DPP6: variants seen among roughly 807,000 people sequenced by gnomAD.
DPP6 encodes A-type potassium channel modulatory protein DPP6.
A neutral mutation model predicts 122.6 loss-of-function variants in DPP6; 69 were observed. That is an observed-to-expected ratio of 0.56 (90% CI 0.46 to 0.69). The LOEUF (loss-of-function observed/expected upper bound fraction) is 0.69, where lower values mean the gene tolerates loss of function less well. Among genes scored for constraint, DPP6 ranks in the 30% least tolerant of loss-of-function variants. The pLI is 0.00. For missense variants in DPP6, 928 were observed against 1,116.9 expected, an observed-to-expected ratio of 0.83 and a Z score of 2.41; for synonymous variants, 418 against 433.1, an observed-to-expected ratio of 0.97 and a Z score of 0.43.
intron 16 of DPP6, among the ~76,000 whole-genome samples, chr7:154,812,021 C>T (rs536091123): frequency 6.6e-6 from 1 of 152,310 alleles, no homozygotes; most frequent in African/African-American, 2.4e-5. Context: ...AACATGCCCA[C>T]ATTCAAAGCT....
At chr7:153,829,200 G>A in the DPP6 span, among the ~76,000 whole-genome samples, 2 of 152,134 alleles carry the variant, frequency 1.3e-5, no homozygotes, top group African/African-American at 4.8e-5. Context: ...TTCGAGGTCT[G>A]TGTAATTGCT....
At chr7:154,318,347 A>G (rs374746430) in intron 1 of DPP6, among the ~76,000 whole-genome samples, 17 of 152,286 alleles carry the variant, frequency 1.1e-4, no homozygotes, top group African/African-American at 4.1e-4. Flanking sequence ...ACTTCCTCAC[A>G]TTATCCTGTA....
rs991154917 is a variant in DPP6 at position 154,865,607 on chromosome 7, C to G, written c.1715-2388C>G. On this transcript the variant is annotated intron_variant, in intron 17 of 25. Transcript: ENST00000377770. ...AACTTTTCCATCAATTTCTAAACAC[C>G]AGAAACTTTTCCATCAATTTAATGC... The G allele has an allele frequency of 7.2e-5, 11 of 152,002 alleles. No homozygotes were observed. In the East Asian group the frequency reaches 2.1e-3, roughly 29 times the overall value. The allele number at this position is 152,002 out of a possible 1,614,324, so 9.4% of individuals were successfully genotyped here.
chr7:153,990,814 C>A (rs1233786497), intron 1 of DPP6, among the ~76,000 whole-genome samples: 2 of 152,164 alleles, frequency 1.3e-5, no homozygotes, highest in Non-Finnish European at 2.9e-5. Context: ...GAAAAGAGGA[C>A]GAAGGAGTGA....
At chr7:154,319,714 C>T (rs938347780) in intron 1 of DPP6, among the ~76,000 whole-genome samples, 23 of 150,830 alleles carry the variant, frequency 1.5e-4, no homozygotes, top group Middle Eastern at 7.0e-3. Context: ...TGCAACATGC[C>T]GGGTGCAGTG....
chr7:154,240,715 C>T (rs1042766493), intron 1 of DPP6, among the ~76,000 whole-genome samples: 1 of 152,132 alleles, frequency 6.6e-6, no homozygotes, highest in African/African-American at 2.4e-5. Flanking sequence ...TATTCATATT[C>T]AGTTTTCCAC....
intron 1 of DPP6, among the ~76,000 whole-genome samples, chr7:154,417,214 C>A (rs556492607): frequency 6.6e-6 from 1 of 152,318 alleles, no homozygotes; most frequent in East Asian, 1.9e-4. Context: ...GACTGACTCG[C>A]TGACATGGAA....
intron 1 of DPP6, among the ~76,000 whole-genome samples, chr7:154,179,814 T>TA (rs1797982904): frequency 6.6e-6 from 1 of 152,224 alleles, no homozygotes; most frequent in African/African-American, 2.4e-5. Context: ...ATTGAGCATA[T>TA]ACACTTTCCA....
At chr7:154,440,416 G>C (rs1298559558) in intron 1 of DPP6, among the ~76,000 whole-genome samples, 1 of 152,140 alleles carries the variant, frequency 6.6e-6, no homozygotes, top group Non-Finnish European at 1.5e-5. Context: ...GAGCATCTCG[G>C]GGAGTGGGAA....
chr7:153,878,850 G>A, the DPP6 span, among the ~76,000 whole-genome samples: 7 of 151,812 alleles, frequency 4.6e-5, no homozygotes, highest in Admixed American at 2.6e-4. Flanking sequence ...AAAATAGCAC[G>A]AAAAAATCTC....
Position 154,892,264 on chromosome 7 carries a change from C to A in DPP6, c.2452-70C>A, listed in dbSNP as rs116290167. ...GGCCCAGGTTTCACTAAACTCCACA[C>A]CTTCTGTGCGTTCCCGTCCCCTGGG... On this transcript the variant is annotated intron_variant, in intron 25 of 25. Transcript: ENST00000377770. 5.0e-6 allele frequency: 8 copies of A among 1,605,002 alleles called. No homozygotes were observed. The South Asian group carries it at 8.9e-5, about 18-fold the overall frequency.
At chr7:154,055,762 T>A (rs910426925) in intron 1 of DPP6, 1 of 152,236 alleles carries the variant, frequency 6.6e-6, no homozygotes, top group Non-Finnish European at 1.5e-5. Context: ...CACTCTTGCC[T>A]TTTCAGTCCT....
chr7:154,823,335 A>G lies in DPP6; in HGVS notation c.1666+16223A>G, dbSNP rs565662490. On this transcript the variant is annotated intron_variant, in intron 16 of 25. Coordinates refer to ENST00000377770, the MANE Select transcript of DPP6 (RefSeq NM_130797.4). ...TGGTGAACTATGATGGCACCACTGT[A>G]CTCCAGCCTGGGTGACAGAGCAAGA... Among the ~76,000 whole-genome samples the G allele has an allele frequency of 9.2e-5, 14 of 152,084 alleles. No individual in the cohort carries two copies. The South Asian group carries it at 2.3e-3, about 25-fold the overall frequency.
At position 154,821,411 on chromosome 7, in the gene DPP6, A is replaced by G. The variant is rs1799748924; in HGVS notation, c.1666+14299A>G. ...TAGATCCAACATGGATAGACAGATA[A>G]TAGATGAGAGGGAAATGACTGACCG... On this transcript the variant is annotated intron_variant, in intron 16 of 25. Coordinates refer to ENST00000377770, the MANE Select transcript of DPP6 (RefSeq NM_130797.4). This position sits in a 1 kb window ranked among gnomAD's most constrained non-coding sequence, Gnocchi z 4.2. 6.6e-6 allele frequency among the ~76,000 whole-genome samples: 1 copy of G among 151,962 alleles called. No individual in the cohort carries two copies. Among genetic ancestry groups the G allele is most frequent in the Non-Finnish European group, 1.5e-5 (1 of 68,014 alleles).
intron 12 of DPP6, among the ~76,000 whole-genome samples, chr7:154,798,934 T>C (rs1425002386): frequency 2.0e-5 from 3 of 152,216 alleles, no homozygotes; most frequent in Admixed American, 6.5e-5. Context: ...AGCCATTGGC[T>C]GCTGCTTCAG....
chr7:154,059,551 T>C (rs922009469), intron 1 of DPP6: 2 of 150,338 alleles, frequency 1.3e-5, no homozygotes, highest in East Asian at 1.9e-4. Context: ...TCTTAGGAGC[T>C]GTGGGGTTTT....
chr7:154,762,664 T>C (rs561534575), intron 8 of DPP6, among the ~76,000 whole-genome samples: 35 of 152,330 alleles, frequency 2.3e-4, no homozygotes, highest in Admixed American at 9.8e-4. Context: ...CCCGGAAGCT[T>C]AGAACCTGTA....
intron 1 of DPP6, among the ~76,000 whole-genome samples, chr7:154,361,719 G>A (rs1811741285): frequency 6.6e-6 from 1 of 151,496 alleles, no homozygotes; most frequent in East Asian, 1.9e-4. Flanking sequence ...TTTAATCATT[G>A]TTAATGTATT....
At chr7:154,183,454 C>G (rs1798195424) in intron 1 of DPP6, among the ~76,000 whole-genome samples, 1 of 152,218 alleles carries the variant, frequency 6.6e-6, no homozygotes, top group Admixed American at 6.5e-5. Flanking sequence ...ACTAAACACT[C>G]TAAATATGTC....
Sources: allele counts gnomAD v4.1 joint callset (sites outside exome capture counted in the v4.1 genomes callset), GRCh38; gene constraint gnomAD v4.1.1; non-coding constraint Gnocchi (gnomAD v3.1); transcripts MANE v1.5; gene names NCBI Gene and HGNC (gene_info 2026-07-23, HGNC 2026-07-21).